HPGDS: variants seen among roughly 807,000 people sequenced by gnomAD.
HPGDS encodes GST class-sigma.
HPGDS carries 26 observed loss-of-function variants against 23.1 expected under a neutral mutation model. That is an observed-to-expected ratio of 1.13 (90% CI 0.83 to 1.56). HPGDS has a LOEUF of 1.56. HPGDS is among the 40% of genes most tolerant of loss of function. HPGDS has a pLI of 0.00. For synonymous variants in HPGDS, 95 were observed against 77.9 expected (o/e 1.22, Z -1.16); for missense variants, 268 against 236.4 (o/e 1.13, Z -0.88).
chr4:94,317,484 A>G (rs1211523851), intron 3 of HPGDS, among the ~76,000 whole-genome samples: 1 of 152,112 alleles, frequency 6.6e-6, no homozygotes, highest in East Asian at 1.9e-4. Flanking sequence ...TGAGTATATA[A>G]TTTTAAGTCT....
At chr4:94,331,539 G>GT (rs879933624) in intron 2 of HPGDS, among the ~76,000 whole-genome samples, 27 of 152,242 alleles carry the variant, frequency 1.8e-4, no homozygotes, top group Admixed American at 3.9e-4. Flanking sequence ...GGGCTGGGCT[G>GT]TTTCATTAAG....
rs1756190225 is a variant in HPGDS, at chr4:94,308,681, C to A, written c.289G>T (p.Asp97Tyr). The change falls in exon 4 of 6, where the codon GAT becomes TAT. Residue 97 changes from aspartate (D) to tyrosine (Y), a missense_variant. Transcript: ENST00000295256. ...HVDAIVDTLD[D>Y]FMSCFPWAEK... ...GCCCAAGGAAAACATGACATGAAATCATCCAGAGTGTCCACAATAGCATCA... is the reference window on the plus strand; with the variant it reads ...GCCCAAGGAAAACATGACATGAAATAATCCAGAGTGTCCACAATAGCATCA... 6.2e-7 allele frequency: 1 copy of A among 1,610,214 alleles called. No homozygotes were observed. The highest frequency in any genetic ancestry group is 8.5e-7 in the Non-Finnish European group (1 of 1,177,348).
chr4:94,332,555 CAG>C (rs1444970995), intron 2 of HPGDS, among the ~76,000 whole-genome samples: 3 of 152,250 alleles, frequency 2.0e-5, no homozygotes. Context: ...AGGGCCCACA[CAG>C]AGCTTGCTCC....
At chr4:94,322,396 C>T (rs1353915779) in intron 2 of HPGDS, among the ~76,000 whole-genome samples, 2 of 152,180 alleles carry the variant, frequency 1.3e-5, no homozygotes, top group South Asian at 4.2e-4. Flanking sequence ...TGGTCCTGGA[C>T]TTTTTTTGGT....
intron 3 of HPGDS, among the ~76,000 whole-genome samples, chr4:94,310,698 C>T (rs1370005298): frequency 1.1e-4 from 17 of 151,970 alleles, no homozygotes; most frequent in Admixed American, 2.6e-4. Flanking sequence ...TTGATGGGAA[C>T]GGCACTAAAT....
At chr4:94,339,776 A>T (rs867666754) in intron 1 of HPGDS, among the ~76,000 whole-genome samples, 1 of 152,064 alleles carries the variant, frequency 6.6e-6, no homozygotes, top group African/African-American at 2.4e-5. Context: ...TGTAGCTCCC[A>T]TAATTCCCAC....
At chr4:94,330,237 CAAG>C (rs1198614974) in intron 2 of HPGDS, among the ~76,000 whole-genome samples, 2 of 152,150 alleles carry the variant, frequency 1.3e-5, no homozygotes, top group Admixed American at 1.3e-4. Context: ...GCATCTAAAT[CAAG>C]AAGTAGAGTC....
chr4:94,301,775 ATC>A (rs1756045073), intron 5 of HPGDS, among the ~76,000 whole-genome samples: 1 of 152,156 alleles, frequency 6.6e-6, no homozygotes, highest in African/African-American at 2.4e-5. Flanking sequence ...GCTAAGAGAT[ATC>A]TGTCTTAGAT....
intron 2 of HPGDS, among the ~76,000 whole-genome samples, chr4:94,328,198 G>A (rs540074596): frequency 2.6e-5 from 4 of 152,214 alleles, no homozygotes; most frequent in African/African-American, 4.8e-5. Flanking sequence ...CAGCTGCTTC[G>A]CTTCCTTTTC....
intron 1 of HPGDS, among the ~76,000 whole-genome samples, chr4:94,338,380 G>A (rs1233254493): frequency 3.3e-5 from 5 of 152,134 alleles, no homozygotes; most frequent in African/African-American, 4.8e-5. Context: ...AGCCAAGACC[G>A]CGACACTTCA....
intron 5 of HPGDS, 107 bp from the exon 6 acceptor site, chr4:94,299,751 G>GTTAT (rs1490349205): frequency 7.5e-5 from 78 of 1,037,798 alleles, no homozygotes; most frequent in Admixed American, 1.0e-4. Flanking sequence ...AAACAATCTT[G>GTTAT]TTATTACAAA....
chr4:94,323,856 T>G (rs1445168749), intron 2 of HPGDS, among the ~76,000 whole-genome samples: 1 of 152,204 alleles, frequency 6.6e-6, no homozygotes, highest in Non-Finnish European at 1.5e-5. Flanking sequence ...TTCCTTGCAT[T>G]GATGGTCTTT....
chr4:94,339,530 G>A (rs1365952842), intron 1 of HPGDS, among the ~76,000 whole-genome samples: 2 of 152,036 alleles, frequency 1.3e-5, no homozygotes, highest in Non-Finnish European at 2.9e-5. Context: ...AAATACCCTG[G>A]ATAAAAACTT....
At chr4:94,340,311 CTTTTTTT>C (rs869240610) in intron 1 of HPGDS, among the ~76,000 whole-genome samples, 1 of 23,676 alleles carries the variant, frequency 4.2e-5, no homozygotes, top group African/African-American at 1.5e-4. Flanking sequence ...CTTTCTTTCT[CTTTTTTT>C]TTTTTTTTTT....
chr4:94,299,675 AAC>A (rs1365358265), intron 5 of HPGDS, 31 bp from the exon 6 acceptor site: 1 of 1,596,676 alleles, frequency 6.3e-7, no homozygotes, highest in South Asian at 1.1e-5. Context: ...TTTTCATTTG[AAC>A]ATAGAAAGTG....
intron 1 of HPGDS, among the ~76,000 whole-genome samples, chr4:94,337,609 A>C (rs1015287532): frequency 1.3e-5 from 2 of 152,272 alleles, no homozygotes; most frequent in East Asian, 3.9e-4. Context: ...CAGGAGGCAG[A>C]GGTTGCAGTG....
chr4:94,312,370 T>C (rs574905275), intron 3 of HPGDS, among the ~76,000 whole-genome samples: 1 of 152,344 alleles, frequency 6.6e-6, no homozygotes, highest in South Asian at 2.1e-4. Flanking sequence ...AAGAACATCG[T>C]TATTTCTGCC....
At chr4:94,316,891 T>C (rs1370844335) in intron 3 of HPGDS, among the ~76,000 whole-genome samples, 1 of 152,258 alleles carries the variant, frequency 6.6e-6, no homozygotes, top group Non-Finnish European at 1.5e-5. Context: ...GTCTTCCTCT[T>C]GAAATTCTAG....
At chr4:94,307,536 A>G (rs901615) in intron 4 of HPGDS, among the ~76,000 whole-genome samples, 1 of 151,914 alleles carries the variant, frequency 6.6e-6, no homozygotes, top group Non-Finnish European at 1.5e-5. Flanking sequence ...AGAAGGCAGC[A>G]TCCAGGAACA....
Sources: gnomAD v4.1 joint callset for allele counts (sites outside exome capture counted in the v4.1 genomes callset) on GRCh38, gnomAD v4.1.1 for gene constraint, MANE v1.5 for transcripts, NCBI Gene and HGNC (gene_info 2026-07-23, HGNC 2026-07-21) for gene names.